The following SPMIP2 variants were observed in gnomAD, a reference collection of about 807,000 sequenced individuals.
SPMIP2 encodes sperm microtubule inner protein 2, also known as protein SPMIP2.
chr4:159,057,615 T>C, the SPMIP2 span, among the ~76,000 whole-genome samples: 3 of 152,152 alleles, frequency 2.0e-5, no homozygotes, highest in African/African-American at 7.2e-5. Context: ...GAGATTTCAA[T>C]TGGAGAAAAT....
At chr4:159,063,550 AAAATAAAT>A in the SPMIP2 span, among the ~76,000 whole-genome samples, 16 of 148,542 alleles carry the variant, frequency 1.1e-4, no homozygotes, top group African/African-American at 2.7e-4. Context: ...ATCCTGTCTC[AAAATAAAT>A]AAATAAATAA....
the SPMIP2 span, chr4:158,915,144 C>T: frequency 1.0e-4 from 160 of 1,583,492 alleles, no homozygotes; most frequent in African/African-American, 5.1e-4. Flanking sequence ...TTTTCTATGA[C>T]GATTTAGAAA....
At chr4:158,927,832 G>A in the SPMIP2 span, among the ~76,000 whole-genome samples, 361 of 152,290 alleles carry the variant, frequency 2.4e-3, 1 homozygote, top group Middle Eastern at 0.01. Flanking sequence ...GGCAATGAGG[G>A]GCTTAGCACC....
At chr4:159,066,559 T>TATGTATGGG in the SPMIP2 span, among the ~76,000 whole-genome samples, 1 of 149,808 alleles carries the variant, frequency 6.7e-6, no homozygotes, top group African/African-American at 2.5e-5. Context: ...ATATCCTATA[T>TATGTATGGG]ATGTATGGGA....
the SPMIP2 span, among the ~76,000 whole-genome samples, chr4:158,999,500 A>G: frequency 2.0e-5 from 3 of 152,350 alleles, no homozygotes; most frequent in South Asian, 4.1e-4. Flanking sequence ...AGCTCAAAGT[A>G]TGCTGTAAGA....
chr4:159,069,404 G>A, the SPMIP2 span, among the ~76,000 whole-genome samples: 1 of 152,104 alleles, frequency 6.6e-6, no homozygotes, highest in East Asian at 1.9e-4. Context: ...TCTTTAGGAA[G>A]TATGAATTTA....
At chr4:158,970,572 C>T in the SPMIP2 span, among the ~76,000 whole-genome samples, 3 of 151,854 alleles carry the variant, frequency 2.0e-5, no homozygotes, top group Admixed American at 6.6e-5. Context: ...AGATTTTGAT[C>T]TGCCTTAGAT....
chr4:158,917,207 A>G, the SPMIP2 span, among the ~76,000 whole-genome samples: 150,448 of 150,898 alleles, frequency 1, 74,999 homozygotes, highest in Admixed American at 1. Context: ...CCAAGATCAC[A>G]CCACTGCACT....
At chr4:158,908,253 C>T in the SPMIP2 span, among the ~76,000 whole-genome samples, 1 of 152,006 alleles carries the variant, frequency 6.6e-6, no homozygotes, top group Admixed American at 6.6e-5. Context: ...AGATGATAGG[C>T]GAGAGGTCCT....
the SPMIP2 span, among the ~76,000 whole-genome samples, chr4:158,965,417 A>G: frequency 6.6e-6 from 1 of 152,188 alleles, no homozygotes; most frequent in African/African-American, 2.4e-5. Context: ...AAGCTATACA[A>G]GTGCTTCCAA....
chr4:159,045,308 T>G, the SPMIP2 span, among the ~76,000 whole-genome samples: 3 of 152,244 alleles, frequency 2.0e-5, no homozygotes, highest in African/African-American at 7.2e-5. Context: ...TTAATCAAGA[T>G]TTTTAATCTC....
chr4:159,028,946 T>C, the SPMIP2 span, among the ~76,000 whole-genome samples: 1 of 151,872 alleles, frequency 6.6e-6, no homozygotes, highest in Non-Finnish European at 1.5e-5. Flanking sequence ...AATACAAAAA[T>C]AAGCTGGGCG....
the SPMIP2 span, chr4:158,893,784 T>A: frequency 9.1e-7 from 1 of 1,093,934 alleles, no homozygotes. Context: ...AACTTTTATA[T>A]TTCATTCTAT....
At chr4:158,920,541 G>A in the SPMIP2 span, among the ~76,000 whole-genome samples, 11 of 152,156 alleles carry the variant, frequency 7.2e-5, no homozygotes, top group South Asian at 2.1e-4. Context: ...TGTCTTATGC[G>A]GTTGAGATAA....
At chr4:159,061,090 A>AT in the SPMIP2 span, among the ~76,000 whole-genome samples, 2 of 144,430 alleles carry the variant, frequency 1.4e-5, no homozygotes, top group South Asian at 2.2e-4. Flanking sequence ...ATCTCAAAAA[A>AT]AAAAATATAT....
At chr4:159,043,925 C>A in the SPMIP2 span, among the ~76,000 whole-genome samples, 2 of 152,152 alleles carry the variant, frequency 1.3e-5, no homozygotes, top group Non-Finnish European at 1.5e-5. Context: ...GACTATTGAT[C>A]CCCAAAGAGA....
the SPMIP2 span, among the ~76,000 whole-genome samples, chr4:158,972,391 G>A: frequency 6.6e-6 from 1 of 152,068 alleles, no homozygotes. Flanking sequence ...TTTTCCTTTT[G>A]TTAACCTTTA....
chr4:158,975,122 T>C, the SPMIP2 span, among the ~76,000 whole-genome samples: 1 of 151,728 alleles, frequency 6.6e-6, no homozygotes, highest in East Asian at 1.9e-4. Flanking sequence ...AAAGTATCTG[T>C]TCATATCCTT....
the SPMIP2 span, among the ~76,000 whole-genome samples, chr4:158,915,687 G>A: frequency 6.6e-6 from 1 of 152,194 alleles, no homozygotes; most frequent in African/African-American, 2.4e-5. Flanking sequence ...GGCTTCATGA[G>A]ACCCATGTGA....
Sources: gnomAD v4.1 joint callset for allele counts (sites outside exome capture counted in the v4.1 genomes callset) on GRCh38, gnomAD v4.1.1 for gene constraint, MANE v1.5 for transcripts, NCBI Gene and HGNC (gene_info 2026-07-23, HGNC 2026-07-21) for gene names.